The following RAB28 variants were observed in gnomAD, a reference collection of about 807,000 sequenced individuals.
RAB28 encodes the protein RAB28, member RAS oncogene family, also known as ras-related protein Rab-28.
RAB28 carries 24 observed loss-of-function variants against 31.7 expected under a neutral mutation model. The ratio of observed to expected loss-of-function variants is 0.76; its 90% CI spans 0.55 to 1.06. The LOEUF (loss-of-function observed/expected upper bound fraction) is 1.06. RAB28 is among the 50% of genes least tolerant of loss of function. RAB28 has a pLI of 0.00. For synonymous variants in RAB28, 100 were observed against 90.4 expected (o/e 1.11, Z -0.60); for missense variants, 254 against 258.5 (o/e 0.98, Z 0.12).
At chr4:13,401,182 C>T (rs1006154378) in intron 4 of RAB28, among the ~76,000 whole-genome samples, 1 of 152,178 alleles carries the variant, frequency 6.6e-6, no homozygotes, top group Non-Finnish European at 1.5e-5. Flanking sequence ...GTAAAACCTT[C>T]TGGATCCACA....
intron 4 of RAB28, among the ~76,000 whole-genome samples, chr4:13,433,174 A>G (rs1188761416): frequency 6.6e-6 from 1 of 151,632 alleles, no homozygotes; most frequent in Non-Finnish European, 1.5e-5. Flanking sequence ...AGGGGTTGCT[A>G]TTCTTTTATC....
rs189928384 is a variant in RAB28 at position 13,410,434 on chromosome 4, A to C, written c.392-28840T>G. ...TGCCGGTATGTTACCAATACTCTAC[A>C]CTCAGGGTGAAATATATTGCAAACC... is the stretch of plus-strand genomic sequence containing the variant. On this transcript the variant is annotated intron_variant, in intron 4 of 6. Transcript: ENST00000330852. Among the ~76,000 whole-genome samples the C allele has an allele frequency of 9.3e-3, 1,408 of 152,162 alleles. 9 individuals are homozygous for C. The highest frequency in any genetic ancestry group is 0.065 in the Middle Eastern group (19 of 294).
At chr4:13,394,327 C>T (rs767758161) in intron 4 of RAB28, among the ~76,000 whole-genome samples, 1 of 152,144 alleles carries the variant, frequency 6.6e-6, no homozygotes, top group Non-Finnish European at 1.5e-5. Context: ...GATCATCAGG[C>T]ATTAATAATG....
At position 13,459,778 on chromosome 4, in the gene RAB28, T is replaced by C. The variant is rs914238013; in HGVS notation, c.391+921A>G. On this transcript the variant is annotated intron_variant, in intron 4 of 6. Coordinates refer to ENST00000330852, the MANE Select transcript of RAB28 (RefSeq NM_001017979.3). Reference sequence around the variant, plus strand: ...AGAAACAATGCATATAAAATTCCAATGTAGACACTTCTTTCTTCCCTAAAA... The same window carrying C: ...AGAAACAATGCATATAAAATTCCAACGTAGACACTTCTTTCTTCCCTAAAA... The C allele has an allele frequency of 6.3e-5, 73 of 1,165,200 alleles. No individual in the cohort carries two copies. The Admixed American group carries it at 2.0e-3, about 32-fold the overall frequency. 72.2% of individuals were successfully genotyped at this position (1,165,200 alleles called of 1,614,324 possible). A position where few individuals can be genotyped will look rare whatever the true frequency, so the allele number is the denominator to read the frequency against.
chr4:13,368,820 AT>A lies in RAB28; in HGVS notation c.574-171del, dbSNP rs200326808. On this transcript the variant is annotated intron_variant, in intron 6 of 6. Coordinates refer to ENST00000330852, the MANE Select transcript of RAB28 (RefSeq NM_001017979.3). ...AGCCAGACAAACAAACAAAGAGTGG[AT>A]TTTTTTTTTTCAAGAAGAGAATGGC... 1.4e-3 allele frequency among the ~76,000 whole-genome samples: 204 copies of A among 149,016 alleles called. 1 individual carries two copies. In the East Asian group the frequency reaches 0.015, roughly 11 times the overall value.
At chr4:13,404,402 A>G (rs1213826281) in intron 4 of RAB28, among the ~76,000 whole-genome samples, 1 of 152,198 alleles carries the variant, frequency 6.6e-6, no homozygotes, top group African/African-American at 2.4e-5. Flanking sequence ...AAATAAAATA[A>G]ATAATGGATC....
chr4:13,428,652 T>C (rs1393224240), intron 4 of RAB28, among the ~76,000 whole-genome samples: 1 of 152,000 alleles, frequency 6.6e-6, no homozygotes, highest in Non-Finnish European at 1.5e-5. Context: ...TGAACAAAAA[T>C]TGTCAAAGCC....
chr4:13,483,880 G>A (rs1018622318), intron 1 of RAB28, among the ~76,000 whole-genome samples, 196 bp downstream of exon 1: 3 of 152,204 alleles, frequency 2.0e-5, no homozygotes, highest in African/African-American at 7.2e-5. Context: ...TCTTTTTTAA[G>A]GGGGAGCTGG....
At chr4:13,441,557 A>T (rs1441538862) in intron 4 of RAB28, among the ~76,000 whole-genome samples, 1 of 152,216 alleles carries the variant, frequency 6.6e-6, no homozygotes, top group Non-Finnish European at 1.5e-5. Context: ...TTTCACTATA[A>T]TGATGCTTCC....
chr4:13,376,150 C>G (rs1027777538), intron 6 of RAB28, among the ~76,000 whole-genome samples: 1 of 152,010 alleles, frequency 6.6e-6, no homozygotes, highest in African/African-American at 2.4e-5. Context: ...AATAACACTA[C>G]TAAACTGACA....
At chr4:13,398,209 CAT>C (rs755466537) in intron 4 of RAB28, among the ~76,000 whole-genome samples, 4 of 152,044 alleles carry the variant, frequency 2.6e-5, no homozygotes, top group Non-Finnish European at 5.9e-5. Flanking sequence ...AAAATTTGTG[CAT>C]ATATCATCAA....
At position 13,484,109 on chromosome 4, in the gene RAB28, T is replaced by A. The variant is rs1278972917; in HGVS notation, c.42A>T (p.Lys14Asn). ...AGGCGCCGTCCCCCAGCACGACGAT[T>A]TTCAGTTGCCGGTCCTGGCTCTCCT... ...SEEESQDRQL[K>N]IVVLGDGASG... The change falls in exon 1 of 7, where the codon AAA (lysine) becomes AAT (asparagine). Residue 14 changes from lysine (K) to asparagine (N), a missense_variant. Physicochemically the swap from Lys to Asn is moderately conservative, Grantham distance 94. Transcript: ENST00000330852. 1 of 1,602,252 alleles carries A rather than the reference T, an allele frequency of 6.2e-7. No homozygotes were observed. Among genetic ancestry groups the A allele is most frequent in the African/African-American group, 1.3e-5 (1 of 74,660 alleles).
intron 2 of RAB28, among the ~76,000 whole-genome samples, chr4:13,477,638 C>G (rs775260830): frequency 1.3e-5 from 2 of 149,122 alleles, no homozygotes; most frequent in Non-Finnish European, 3.0e-5. Flanking sequence ...AGCATAAAAC[C>G]AACTGCCTTA....
At chr4:13,442,926 G>A (rs1714500251) in intron 4 of RAB28, among the ~76,000 whole-genome samples, 1 of 152,178 alleles carries the variant, frequency 6.6e-6, no homozygotes, top group South Asian at 2.1e-4. Flanking sequence ...TTGATTAGGA[G>A]TCTGTGTCCT....
intron 4 of RAB28, among the ~76,000 whole-genome samples, chr4:13,423,454 C>A (rs1713291948): frequency 6.7e-6 from 1 of 149,440 alleles, no homozygotes; most frequent in Admixed American, 6.7e-5. Context: ...CATTTCACTC[C>A]AACCTGGGCA....
chr4:13,409,344 C>T (rs1034043435), intron 4 of RAB28, among the ~76,000 whole-genome samples: 1 of 152,138 alleles, frequency 6.6e-6, no homozygotes, highest in African/African-American at 2.4e-5. Flanking sequence ...ATAATTGATT[C>T]CATCATAATA....
chr4:13,422,838 T>C (rs1206274744), intron 4 of RAB28, among the ~76,000 whole-genome samples: 2 of 151,762 alleles, frequency 1.3e-5, no homozygotes, highest in Non-Finnish European at 2.9e-5. Context: ...ACATGGCACA[T>C]GTACACCTAT....
chr4:13,389,573 CTT>C (rs1273933138), intron 4 of RAB28, among the ~76,000 whole-genome samples: 1 of 152,084 alleles, frequency 6.6e-6, no homozygotes, highest in East Asian at 1.9e-4. Flanking sequence ...TATAATGACT[CTT>C]GAAGTACTCA....
intron 4 of RAB28, among the ~76,000 whole-genome samples, chr4:13,416,453 A>T (rs925467610): frequency 1.3e-5 from 2 of 152,240 alleles, no homozygotes; most frequent in African/African-American, 4.8e-5. Flanking sequence ...TCTTGAAGTC[A>T]GTGAGACCAA....
Sources: gnomAD v4.1 joint callset for allele counts (sites outside exome capture counted in the v4.1 genomes callset) on GRCh38, gnomAD v4.1.1 for gene constraint, MANE v1.5 for transcripts, NCBI Gene and HGNC (gene_info 2026-07-23, HGNC 2026-07-21) for gene names.